Variants in DEPDC5 observed in about 807,000 individuals in gnomAD.
DEPDC5 encodes the protein GATOR1 complex protein DEPDC5.
In DEPDC5, 73 loss-of-function variants were observed where a neutral mutation model predicts 217.3. The observed-to-expected ratio is 0.34, with a 90% CI of 0.28 to 0.41. The LOEUF (loss-of-function observed/expected upper bound fraction) is 0.41, where lower values mean the gene tolerates loss of function less well. DEPDC5 is among the 10% of genes least tolerant of loss of function. The probability of loss-of-function intolerance (pLI) is 1.00; values close to 1 mark genes in which losing one functional copy is unlikely to be tolerated. For synonymous variants in DEPDC5, 733 were observed against 756.7 expected (o/e 0.97, Z 0.51); for missense variants, 1,675 against 2,070.1 (o/e 0.81, Z 3.70).
intron 34 of DEPDC5, among the ~76,000 whole-genome samples, chr22:31,872,873 G>T (rs1484778985): frequency 6.6e-6 from 1 of 151,954 alleles, no homozygotes; most frequent in East Asian, 1.9e-4. Context: ...TCTTGTCTCA[G>T]CCTCCCAAGT....
In DEPDC5 at chr22:31,843,138, G is replaced by C; in HGVS notation, c.2559G>C (p.Trp853Cys). ...RNRPEEEDQY[W>C]LSMGRTFHKV... is the part of the protein sequence containing the mutation. ...GCCCTGAGGAGGAGGACCAGTATTG[G>C]CTGAGTATGGGCAGAACGTTCCACA... Residue 853 changes from tryptophan to cysteine, a missense_variant, in exon 28 of 43, where the codon TGG (tryptophan) becomes TGC (cysteine). Trp to Cys is a radical substitution (Grantham distance 215). Transcript: ENST00000651528. The C allele has an allele frequency of 1.2e-6, 2 of 1,614,116 alleles. No homozygotes were observed. The highest frequency in any genetic ancestry group is 1.7e-6 in the Non-Finnish European group (2 of 1,180,034).
intron 27 of DEPDC5, among the ~76,000 whole-genome samples, chr22:31,842,092 A>G (rs911248150): frequency 3.3e-5 from 5 of 152,348 alleles, no homozygotes; most frequent in African/African-American, 1.2e-4. Flanking sequence ...AGGAGGAACA[A>G]CGTTTGAGCC....
At chr22:31,873,102 C>T in intron 34 of DEPDC5, 153 bp from the exon 35 acceptor site, 1 of 1,452,778 alleles carries the variant, frequency 6.9e-7, no homozygotes, top group Non-Finnish European at 9.2e-7. Context: ...AGATAACCCC[C>T]TGATATAGCT....
At chr22:31,796,836 A>G (rs2086293978) in intron 12 of DEPDC5, among the ~76,000 whole-genome samples, 1 of 151,600 alleles carries the variant, frequency 6.6e-6, no homozygotes, top group Admixed American at 6.6e-5. Context: ...AGCTGGGATT[A>G]CAGGTGCCTG....
At chr22:31,755,322 T>C (rs2075230315) in intron 2 of DEPDC5, 5 of 336,124 alleles carry the variant, frequency 1.5e-5, no homozygotes, top group East Asian at 6.7e-5. Context: ...AGTTTTTACA[T>C]TGAGTGAGAG....
Position 31,815,161 on chromosome 22 carries a change from C to A in DEPDC5, c.1615C>A (p.His539Asn). ...SANILMIPHP[H>N]LHQYEVSSSL... ...CAACATCCTGATGATCCCACACCCC[C>A]ACCTGCACCAGTATGAAGTCAGCAG... Residue 539 changes from histidine to asparagine, a missense_variant, in exon 21 of 43, where the codon CAC becomes AAC. Physicochemically the swap from His to Asn is moderately conservative, Grantham distance 68 (BLOSUM62 1). This residue lies in a region of DEPDC5 where 628 missense variants were observed against 762.1 expected (regional missense o/e 0.82). Coordinates refer to ENST00000651528, the MANE Select transcript of DEPDC5 (RefSeq NM_001242896.3). 1.2e-6 allele frequency: 2 copies of A among 1,614,208 alleles called. No individual in the cohort carries two copies. Among genetic ancestry groups the A allele is most frequent in the Non-Finnish European group, 8.5e-7 (1 of 1,180,044 alleles).
chr22:31,860,056 G>A (rs540638077), intron 32 of DEPDC5, among the ~76,000 whole-genome samples: 56 of 152,076 alleles, frequency 3.7e-4, no homozygotes, highest in Non-Finnish European at 7.1e-4. Context: ...AATTATAGTC[G>A]CAAATATATT....
intron 35 of DEPDC5, 24 bp from the exon 36 acceptor site, chr22:31,874,249 C>T: frequency 6.3e-7 from 1 of 1,599,274 alleles, no homozygotes; most frequent in Non-Finnish European, 8.5e-7. Context: ...TCCCCTGCTC[C>T]CCGTTCACCG....
At chr22:31,804,992 A>C in intron 17 of DEPDC5, 77 bp downstream of exon 17, 2 of 1,382,064 alleles carry the variant, frequency 1.4e-6, no homozygotes, top group East Asian at 2.3e-5. Context: ...AAATCTGTTA[A>C]GTTCTTATTA....
intron 23 of DEPDC5, among the ~76,000 whole-genome samples, chr22:31,822,151 C>T (rs1480412528): frequency 6.6e-6 from 1 of 152,188 alleles, no homozygotes; most frequent in East Asian, 1.9e-4. Context: ...TACGAACATC[C>T]AGTGAGAGTC....
intron 7 of DEPDC5, among the ~76,000 whole-genome samples, chr22:31,777,025 C>T (rs559723720): frequency 2.6e-5 from 4 of 151,528 alleles, no homozygotes; most frequent in Admixed American, 2.6e-4. Context: ...TGCAGTGGTG[C>T]GATCTCGGCT....
Position 31,879,061 on chromosome 22 carries a change from T to C in DEPDC5, c.3806-464T>C, listed in dbSNP as rs371124709. 4.2e-3 allele frequency among the ~76,000 whole-genome samples: 574 copies of C among 136,146 alleles called. 9 individuals are homozygous for C. The highest frequency in any genetic ancestry group is 0.015 in the African/African-American group (526 of 35,542). The allele number at this position is 136,146 out of a possible 152,430, so 89.3% of individuals were successfully genotyped here. A position where few individuals can be genotyped will look rare whatever the true frequency, so the allele number is the denominator to read the frequency against. ...AAAAAAAAATATATATATATATATA[T>C]ATATATACACACACACACACGTATA... On this transcript the variant is annotated intron_variant, in intron 37 of 42. Coordinates refer to ENST00000651528, the MANE Select transcript of DEPDC5 (RefSeq NM_001242896.3).
At chr22:31,788,441 ATTTTTTT>A (rs570086659) in intron 10 of DEPDC5, among the ~76,000 whole-genome samples, 81 of 137,108 alleles carry the variant, frequency 5.9e-4, no homozygotes, top group African/African-American at 2.0e-3. Context: ...TGCCCGGGCA[ATTTTTTT>A]TTTTTTTTTG....
chr22:31,838,445 A>G (rs765535307), intron 26 of DEPDC5, among the ~76,000 whole-genome samples: 2 of 152,080 alleles, frequency 1.3e-5, no homozygotes, highest in Non-Finnish European at 2.9e-5. Flanking sequence ...GGGTTTTGCC[A>G]TGTTGCCCAG....
At chr22:31,800,899 C>A (rs888386020) in intron 14 of DEPDC5, among the ~76,000 whole-genome samples, 3 of 151,996 alleles carry the variant, frequency 2.0e-5, no homozygotes, top group African/African-American at 7.2e-5. Context: ...TCACTTGAAC[C>A]TGGGAGGTGG....
intron 2 of DEPDC5, among the ~76,000 whole-genome samples, chr22:31,755,706 A>G (rs1489784553): frequency 6.6e-6 from 1 of 151,974 alleles, no homozygotes; most frequent in Non-Finnish European, 1.5e-5. Flanking sequence ...CACTGTACCC[A>G]GCTCTCCTTA....
At chr22:31,891,481 G>A (rs906594066) in intron 38 of DEPDC5, 1 of 186,552 alleles carries the variant, frequency 5.4e-6, no homozygotes, top group Non-Finnish European at 1.1e-5. Context: ...ATGGTGAGTG[G>A]TACATCTGGC....
intron 28 of DEPDC5, 125 bp from the exon 29 acceptor site, chr22:31,843,520 T>G (rs1189795072): frequency 1.7e-6 from 2 of 1,146,368 alleles, no homozygotes; most frequent in East Asian, 4.8e-5. Flanking sequence ...CTGGGATAAG[T>G]TGGTTACTAC....
chr22:31,885,235 G>A (rs1275327382), intron 38 of DEPDC5, among the ~76,000 whole-genome samples: 1 of 152,154 alleles, frequency 6.6e-6, no homozygotes, highest in Non-Finnish European at 1.5e-5. Context: ...CCAGGATGTG[G>A]TCCCCTCATT....
Sources: allele counts gnomAD v4.1 joint callset (sites outside exome capture counted in the v4.1 genomes callset), GRCh38; gene constraint gnomAD v4.1.1; regional missense constraint gnomAD v4.1.1; transcripts MANE v1.5; gene names NCBI Gene and HGNC (gene_info 2026-07-23, HGNC 2026-07-21).